The following TPTE2 variants were observed in gnomAD, a reference collection of about 807,000 sequenced individuals.
TPTE2 encodes the protein phosphatidylinositol 3,4,5-trisphosphate 3-phosphatase TPTE2.
In TPTE2, 53 loss-of-function variants were observed where a neutral mutation model predicts 78.6. That is an observed-to-expected ratio of 0.67 (90% CI 0.54 to 0.85). The LOEUF is 0.85. Ranked by LOEUF, TPTE2 falls within the 40% of genes least tolerant of loss-of-function variation. The probability of loss-of-function intolerance (pLI) is 0.00; values close to 1 mark genes in which losing one functional copy is unlikely to be tolerated. For synonymous variants in TPTE2, 175 were observed against 206.2 expected (o/e 0.85, Z 1.30); for missense variants, 461 against 623.0 (o/e 0.74, Z 2.77).
the TPTE2 span, among the ~76,000 whole-genome samples, chr13:19,551,803 T>C: frequency 7.9e-5 from 12 of 152,094 alleles, no homozygotes; most frequent in African/African-American, 2.9e-4. Context: ...TACCACAACA[T>C]TATAAAGGTT....
At chr13:19,558,147 T>C in the TPTE2 span, among the ~76,000 whole-genome samples, 4 of 152,230 alleles carry the variant, frequency 2.6e-5, no homozygotes, top group Admixed American at 2.6e-4. Context: ...AGCTACAATA[T>C]AACCAACCAA....
chr13:19,537,073 A>G (rs74345969), upstream of TPTE2, among the ~76,000 whole-genome samples: 1,640 of 151,998 alleles, frequency 0.011, 30 homozygotes, highest in African/African-American at 0.037. Flanking sequence ...TCTAAGGGTT[A>G]TGCATCTAAG....
At chr13:19,550,246 T>A in the TPTE2 span, among the ~76,000 whole-genome samples, 1 of 152,078 alleles carries the variant, frequency 6.6e-6, no homozygotes, top group African/African-American at 2.4e-5. Context: ...AAGTGAAAAT[T>A]TAACTATTTA....
At chr13:19,479,306 C>T (rs1289240943) in intron 4 of TPTE2, among the ~76,000 whole-genome samples, 3 of 152,080 alleles carry the variant, frequency 2.0e-5, no homozygotes, top group African/African-American at 7.2e-5. Context: ...GAAGTAAAGG[C>T]AGGTTGCATT....
chr13:19,522,297 T>G (rs56209041), intron 1 of TPTE2, among the ~76,000 whole-genome samples: 1,668 of 152,260 alleles, frequency 0.011, 30 homozygotes, highest in African/African-American at 0.038. Context: ...ACAGTGTGCT[T>G]CCTTTAAGTG....
At chr13:19,539,162 C>T (rs1235686234), upstream of TPTE2, among the ~76,000 whole-genome samples, 1 of 152,174 alleles carries the variant, frequency 6.6e-6, no homozygotes, top group Non-Finnish European at 1.5e-5. Context: ...CTCTTAAAGG[C>T]CCCACCTCTC....
the TPTE2 span, among the ~76,000 whole-genome samples, chr13:19,555,212 T>C: frequency 6.6e-6 from 1 of 152,136 alleles, no homozygotes; most frequent in South Asian, 2.1e-4. Context: ...AGAATCTGAA[T>C]TTGAATCCAG....
chr13:19,425,749 CGCTATT>C (rs1181249678), intron 18 of TPTE2: 1 of 516,826 alleles, frequency 1.9e-6, no homozygotes, highest in East Asian at 5.5e-5. Context: ...CCCTCTCTCT[CGCTATT>C]GCTCCCACCC....
rs1223738719 is a variant in TPTE2, at chr13:19,450,246, T to C, written c.884+17A>G. The C allele has an allele frequency of 1.2e-6, 2 of 1,610,970 alleles. No homozygotes were observed. The highest frequency in any genetic ancestry group is 1.7e-6 in the Non-Finnish European group (2 of 1,179,394). On this transcript the variant is annotated intron_variant, in intron 12 of 19. Transcript: ENST00000400230. ...TATTTAGCCCTCTTCTGATAGTCAATTTAGCATAAAACTTACTGTAGAGTG... is the reference window on the plus strand; with the variant it reads ...TATTTAGCCCTCTTCTGATAGTCAACTTAGCATAAAACTTACTGTAGAGTG...
intron 4 of TPTE2, 101 bp downstream of exon 7, chr13:19,482,387 A>G (rs1223825100): frequency 1.5e-6 from 2 of 1,365,698 alleles, no homozygotes; most frequent in Admixed American, 2.4e-5. Context: ...ATATCTTTCC[A>G]TAGTTTCCCT....
intron 3 of TPTE2, among the ~76,000 whole-genome samples, chr13:19,491,841 T>C (rs927191292): frequency 4.6e-5 from 7 of 151,982 alleles, no homozygotes; most frequent in Non-Finnish European, 1.5e-5. Context: ...ATAATAATAA[T>C]AGAAATACAT....
chr13:19,455,325 A>T (rs1265135546), intron 10 of TPTE2, among the ~76,000 whole-genome samples: 2 of 152,210 alleles, frequency 1.3e-5, no homozygotes, highest in African/African-American at 4.8e-5. Context: ...CATTCCATCA[A>T]TGGTCTCAAT....
At position 19,467,211 on chromosome 13, in the gene TPTE2, C is replaced by G; in HGVS notation, c.512+14G>C. The G allele has an allele frequency of 6.3e-7, 1 of 1,575,276 alleles. No homozygotes were observed. The highest frequency in any genetic ancestry group is 8.6e-7 in the Non-Finnish European group (1 of 1,169,068). On this transcript the variant is annotated intron_variant, in intron 7 of 19. Transcript: ENST00000400230. ...ATGAAAAACTTTAAGAGAGGTAAGTCTTATGTTTCATACCTGGGAATATTC... is the reference window on the plus strand; with the variant it reads ...ATGAAAAACTTTAAGAGAGGTAAGTGTTATGTTTCATACCTGGGAATATTC...
chr13:19,539,671 G>C (rs1487278379), upstream of TPTE2, among the ~76,000 whole-genome samples: 1 of 152,004 alleles, frequency 6.6e-6, no homozygotes, highest in African/African-American at 2.4e-5. Context: ...TGTTCCACCA[G>C]TCCATTTAAC....
chr13:19,554,903 A>G, the TPTE2 span, among the ~76,000 whole-genome samples: 2 of 152,224 alleles, frequency 1.3e-5, no homozygotes, highest in Admixed American at 1.3e-4. Context: ...AGCCTTAACT[A>G]GCCACATTTA....
intron 10 of TPTE2, among the ~76,000 whole-genome samples, chr13:19,463,593 CT>C (rs1456159308): frequency 6.6e-6 from 1 of 152,126 alleles, no homozygotes; most frequent in African/African-American, 2.4e-5. Flanking sequence ...TTTTGCACAT[CT>C]GGGGAAACTG....
intron 1 of TPTE2, among the ~76,000 whole-genome samples, chr13:19,499,562 C>T (rs1287191350): frequency 1.4e-5 from 2 of 144,456 alleles, no homozygotes; most frequent in Non-Finnish European, 3.0e-5. Flanking sequence ...GGGTATATAA[C>T]GAAATGAAGG....
intron 1 of TPTE2, among the ~76,000 whole-genome samples, chr13:19,522,619 C>CT (rs57248346): frequency 9.8e-4 from 119 of 121,644 alleles, no homozygotes; most frequent in Non-Finnish European, 1.4e-3. Context: ...CTTTTTTTTT[C>CT]TTTTTTTTTT....
rs138673747 is a variant in TPTE2 at position 19,422,958 on chromosome 13, A to T, written c.*104T>A. 372 of 1,387,318 alleles carry T rather than the reference A, an allele frequency of 2.7e-4. 2 individuals carry two copies. In the East Asian group the frequency reaches 8.4e-3, roughly 31 times the overall value. The allele number at this position is 1,387,318 out of a possible 1,614,324, so 85.9% of individuals were successfully genotyped here. On this transcript the variant is annotated 3_prime_UTR_variant, in exon 20 of 20. Transcript: ENST00000400230. ...ATAGATGCATCATCAAGGAAGACTT[A>T]GGACACATGAACATGTGGCAGGGGT...
Sources: gnomAD v4.1 joint callset for allele counts (sites outside exome capture counted in the v4.1 genomes callset) on GRCh38, gnomAD v4.1.1 for gene constraint, MANE v1.5 for transcripts, NCBI Gene and HGNC (gene_info 2026-07-23, HGNC 2026-07-21) for gene names.